Variants in TENM4 observed in about 807,000 individuals in gnomAD.
TENM4 encodes teneurin-4.
TENM4 carries 82 observed loss-of-function variants against 243.3 expected under a neutral mutation model. That is an observed-to-expected ratio of 0.34 (90% confidence interval 0.28 to 0.40). TENM4 has a LOEUF of 0.40. TENM4 is among the 10% of genes least tolerant of loss of function. The pLI is 1.00. For missense variants in TENM4, 3,138 were observed against 3,673.3 expected (o/e 0.85, Z 3.77); for synonymous variants, 1,412 against 1,456.3 (o/e 0.97, Z 0.69).
intron 6 of TENM4, among the ~76,000 whole-genome samples, chr11:78,913,800 C>T (rs991637100): frequency 2.0e-5 from 3 of 152,034 alleles, no homozygotes; most frequent in African/African-American, 4.8e-5. Context: ...TACTGGATGG[C>T]GGGGTCAACT....
chr11:79,034,598 T>A (rs887887212), intron 6 of TENM4, among the ~76,000 whole-genome samples: 6 of 152,002 alleles, frequency 3.9e-5, no homozygotes, highest in Admixed American at 6.6e-5. Context: ...AATTTTTTTT[T>A]AAATTAGGTA....
At chr11:78,876,749 C>T (rs1253457251) in intron 9 of TENM4, among the ~76,000 whole-genome samples, 1 of 152,232 alleles carries the variant, frequency 6.6e-6, no homozygotes, top group Non-Finnish European at 1.5e-5. Flanking sequence ...CTGCTCCTCA[C>T]AGCCTGGGAC....
At chr11:79,424,950 G>T (rs78796850) in intron 1 of TENM4, among the ~76,000 whole-genome samples, 1 of 152,060 alleles carries the variant, frequency 6.6e-6, no homozygotes, top group East Asian at 1.9e-4. Flanking sequence ...ACAAAAAAAA[G>T]TCAGGGGTGC....
chr11:79,327,904 T>C (rs1039071933), intron 1 of TENM4, among the ~76,000 whole-genome samples: 2 of 152,148 alleles, frequency 1.3e-5, no homozygotes, highest in Non-Finnish European at 2.9e-5. Context: ...TGAAAAGGAA[T>C]GTTTCCAGGG....
At chr11:78,885,335 C>T (rs1855526971) in intron 9 of TENM4, among the ~76,000 whole-genome samples, 1 of 152,212 alleles carries the variant, frequency 6.6e-6, no homozygotes, top group South Asian at 2.1e-4. Flanking sequence ...TCCTCAGTGG[C>T]TGTCCTTCTG....
Position 78,910,855 on chromosome 11 carries a change from G to A in TENM4, c.494-7332C>T, listed in dbSNP as rs146897895. ...TCCTATGTCACGGCCAGTGCTCAAG[G>A]CTTCTAAACAGTATTTGGCCTGAAA... is the stretch of plus-strand genomic sequence containing the variant. On this transcript the variant is annotated intron_variant, in intron 6 of 33. Transcript: ENST00000278550. Among the ~76,000 whole-genome samples, 410 of 152,272 alleles carry A rather than the reference G, an allele frequency of 2.7e-3. 3 individuals carry two copies. The highest frequency in any genetic ancestry group is 9.5e-3 in the African/African-American group (393 of 41,550).
At chr11:78,790,870 C>T (rs1189149551) in intron 15 of TENM4, among the ~76,000 whole-genome samples, 3 of 152,198 alleles carry the variant, frequency 2.0e-5, no homozygotes, top group East Asian at 3.9e-4. Flanking sequence ...AGGTCCTCTA[C>T]ACAGAGTTTC....
At position 78,669,760 on chromosome 11, in the gene TENM4, C is replaced by T. The variant is rs1358272462; in HGVS notation, c.6585G>A (p.Glu2195=). Residue 2195 remains glutamate, a synonymous_variant, in exon 32 of 34, where the codon GAG becomes GAA. Coordinates refer to ENST00000278550, the MANE Select transcript of TENM4 (RefSeq NM_001098816.3). The surrounding 1 kb of genome is among the most constrained non-coding windows in gnomAD (Gnocchi z 6.4). ...TCTGCAGCTGGCCGTCAGCATCATA[C>T]TCATAGGAGTAGCGAGTGGTATTGG... ...PYANTTRYSY[E]YDADGQLQTV... The T allele has an allele frequency of 6.2e-6, 10 of 1,613,872 alleles. No homozygotes were observed. The highest frequency in any genetic ancestry group is 7.6e-6 in the Non-Finnish European group (9 of 1,179,904).
intron 11 of TENM4, 74 bp downstream of exon 11, chr11:78,855,890 G>T: frequency 7.1e-7 from 1 of 1,406,766 alleles, no homozygotes; most frequent in Non-Finnish European, 9.7e-7. Flanking sequence ...CTCTGGATTG[G>T]GCTTCTTAAC....
At chr11:79,414,889 C>T (rs1017383513) in intron 1 of TENM4, among the ~76,000 whole-genome samples, 1 of 152,178 alleles carries the variant, frequency 6.6e-6, no homozygotes, top group African/African-American at 2.4e-5. Flanking sequence ...CTCATTCATT[C>T]AGAATCCATT....
chr11:79,433,314 C>T (rs1859205989), intron 1 of TENM4, among the ~76,000 whole-genome samples: 1 of 152,148 alleles, frequency 6.6e-6, no homozygotes, highest in African/African-American at 2.4e-5. Context: ...TGCATCTTAA[C>T]AAGATCCCAG....
chr11:78,673,503 T>G (rs10400310), intron 30 of TENM4, among the ~76,000 whole-genome samples: 18 of 152,058 alleles, frequency 1.2e-4, no homozygotes, highest in African/African-American at 4.3e-4. Flanking sequence ...TGGATCCCTG[T>G]GTGGTTAAAA....
intron 6 of TENM4, among the ~76,000 whole-genome samples, chr11:79,053,170 A>G (rs2136944090): frequency 6.6e-6 from 1 of 152,350 alleles, no homozygotes; most frequent in Admixed American, 6.5e-5. Flanking sequence ...AAGGATTCTT[A>G]AAGTCAAAAT....
At position 78,889,966 on chromosome 11, in the gene TENM4, TG is replaced by T; in HGVS notation, c.902del (p.Pro301GlnfsTer5). The T allele has an allele frequency of 6.4e-7, 1 of 1,551,024 alleles. No homozygotes were observed. The highest frequency in any genetic ancestry group is 8.7e-7 in the Non-Finnish European group (1 of 1,146,724). Reference protein sequence around the residue: ...GTSPLFCTTSPGYPLTSSTVY... With the variant: ...GTSPLFCTTSXGYPLTSSTVY... ...CTGTGCTGGACGTCAGTGGGTACCC[TG>T]GTGATGTGGTGCAGAAGAGCGGGGA... On this transcript the variant is annotated frameshift_variant, in exon 9 of 34. Transcript: ENST00000278550. LOFTEE classifies it high-confidence loss of function.
intron 3 of TENM4, among the ~76,000 whole-genome samples, chr11:79,185,147 A>G (rs1017327034): frequency 2.0e-5 from 3 of 152,044 alleles, no homozygotes; most frequent in Admixed American, 6.5e-5. Flanking sequence ...AACATTTAAA[A>G]ATTAGCTGGA....
intron 1 of TENM4, among the ~76,000 whole-genome samples, chr11:79,370,051 G>A (rs1011700465): frequency 6.6e-6 from 1 of 152,086 alleles, no homozygotes; most frequent in African/African-American, 2.4e-5. Context: ...AAGAAAAAGG[G>A]TGACATTCAA....
intron 6 of TENM4, among the ~76,000 whole-genome samples, chr11:78,930,369 G>A (rs997375172): frequency 1.3e-5 from 2 of 152,184 alleles, no homozygotes; most frequent in African/African-American, 2.4e-5. Flanking sequence ...ATATGGTCAA[G>A]TTTCCCCTTG....
At chr11:78,983,016 C>T (rs1480009492) in intron 6 of TENM4, among the ~76,000 whole-genome samples, 2 of 152,224 alleles carry the variant, frequency 1.3e-5, no homozygotes, top group Non-Finnish European at 1.5e-5. Context: ...TTGGCACTTT[C>T]CTGGCCTCTG....
At chr11:78,794,166 T>C (rs1040303361) in intron 15 of TENM4, among the ~76,000 whole-genome samples, 2 of 152,324 alleles carry the variant, frequency 1.3e-5, no homozygotes, top group Admixed American at 6.5e-5. Flanking sequence ...AACTATTTCA[T>C]GTTTATGTGC....
Sources: allele counts gnomAD v4.1 joint callset (sites outside exome capture counted in the v4.1 genomes callset), GRCh38; gene constraint gnomAD v4.1.1; non-coding constraint Gnocchi (gnomAD v3.1); transcripts MANE v1.5; gene names NCBI Gene and HGNC (gene_info 2026-07-23, HGNC 2026-07-21).